EVC2: variants seen among roughly 807,000 people sequenced by gnomAD.
EVC2 encodes the protein limbin.
Under a neutral mutation model 149.3 loss-of-function variants are expected in EVC2, and 148 were observed. That is an observed-to-expected ratio of 0.99 (90% CI 0.87 to 1.14). The LOEUF is 1.14. EVC2 is among the 50% of genes most tolerant of loss of function. EVC2 has a pLI of 0.00. For missense variants in EVC2, 1,854 were observed against 1,627.3 expected, an observed-to-expected ratio of 1.14 and a Z score of -2.40; for synonymous variants, 776 against 649.9, an observed-to-expected ratio of 1.19 and a Z score of -2.95.
chr4:5,708,676 C>A, upstream of EVC2: 1 of 518,940 alleles, frequency 1.9e-6, no homozygotes, highest in Non-Finnish European at 3.2e-6. Context: ...CAGGAGGTGC[C>A]GGACGGGCGT....
intron 16 of EVC2, among the ~76,000 whole-genome samples, chr4:5,607,003 T>C (rs796218484): frequency 1.3e-5 from 2 of 152,198 alleles, no homozygotes; most frequent in Non-Finnish European, 2.9e-5. Flanking sequence ...GAAAGGCTTA[T>C]AAAAATTAGT....
intron 21 of EVC2, 139 bp from the exon 22 acceptor site, chr4:5,563,254 C>T (rs1457648557): frequency 1.2e-6 from 1 of 832,056 alleles, no homozygotes; most frequent in African/African-American, 1.7e-5. Context: ...TATTTTCCCC[C>T]TTGGTCACCA....
intron 17 of EVC2, among the ~76,000 whole-genome samples, chr4:5,581,669 A>T (rs1246382576): frequency 6.6e-6 from 1 of 152,236 alleles, no homozygotes; most frequent in Non-Finnish European, 1.5e-5. Flanking sequence ...TTTAAAAGGG[A>T]AGCTGAGTGT....
At chr4:5,708,732 G>A (rs1023317632), upstream of EVC2, 4 of 446,330 alleles carry the variant, frequency 9.0e-6, no homozygotes, top group Non-Finnish European at 1.6e-5. Context: ...CCGGCGGCCA[G>A]GCCTGGGTTT....
At chr4:5,682,093 T>A (rs1318786676) in intron 6 of EVC2, among the ~76,000 whole-genome samples, 2 of 152,222 alleles carry the variant, frequency 1.3e-5, no homozygotes, top group African/African-American at 2.4e-5. Flanking sequence ...ACTTAGGTAA[T>A]ATAGAACCCT....
At chr4:5,548,014 AGAG>A (rs771550539) in intron 21 of EVC2, among the ~76,000 whole-genome samples, 130 of 152,208 alleles carry the variant, frequency 8.5e-4, no homozygotes, top group Non-Finnish European at 1.6e-3. Context: ...AGCCTCGCAG[AGAG>A]TCGGTGCCCA....
At chr4:5,603,727 T>C (rs1577145557) in intron 16 of EVC2, among the ~76,000 whole-genome samples, 1 of 152,128 alleles carries the variant, frequency 6.6e-6, no homozygotes, top group African/African-American at 2.4e-5. Flanking sequence ...AGTGGATGGG[T>C]GAAGAGATAC....
At chr4:5,534,492 C>A in the EVC2 span, among the ~76,000 whole-genome samples, 89 of 152,344 alleles carry the variant, frequency 5.8e-4, no homozygotes, top group Non-Finnish European at 1.1e-3. Context: ...TTCCTCACAG[C>A]AGCGGGAACT....
intron 17 of EVC2, 100 bp downstream of exon 17, chr4:5,584,523 C>A: frequency 2.5e-6 from 3 of 1,220,374 alleles, no homozygotes; most frequent in Non-Finnish European, 3.5e-6. Flanking sequence ...ACAGCACAGA[C>A]AGGACGGGGG....
At chr4:5,529,802 T>G in the EVC2 span, among the ~76,000 whole-genome samples, 1 of 151,592 alleles carries the variant, frequency 6.6e-6, no homozygotes, top group Admixed American at 6.6e-5. This position sits in a 1 kb window ranked among gnomAD's most constrained non-coding sequence, Gnocchi z 4.5. Flanking sequence ...GAAGAACTGA[T>G]TAAGTTATTT....
chr4:5,595,796 C>A (rs1713348356), intron 16 of EVC2, among the ~76,000 whole-genome samples: 1 of 152,036 alleles, frequency 6.6e-6, no homozygotes, highest in African/African-American at 2.4e-5. Flanking sequence ...GAGTCAAGAC[C>A]CATCTGTGTG....
intron 7 of EVC2, among the ~76,000 whole-genome samples, chr4:5,674,942 G>A (rs1176683544): frequency 6.6e-6 from 1 of 152,144 alleles, no homozygotes; most frequent in African/African-American, 2.4e-5. Flanking sequence ...CCACGGAGAA[G>A]GCAAAAATGA....
chr4:5,559,545 G>A (rs558006218), downstream of EVC2, among the ~76,000 whole-genome samples: 31 of 152,256 alleles, frequency 2.0e-4, no homozygotes, highest in East Asian at 1.9e-3. This position sits in a 1 kb window ranked among gnomAD's most constrained non-coding sequence, Gnocchi z 5.0. Context: ...TAAACGATGC[G>A]AATCTTTTCT....
At chr4:5,605,202 C>A (rs1714288786) in intron 16 of EVC2, among the ~76,000 whole-genome samples, 1 of 152,174 alleles carries the variant, frequency 6.6e-6, no homozygotes, top group African/African-American at 2.4e-5. Flanking sequence ...TGGGGGGAGT[C>A]AGATGTTACA....
chr4:5,597,225 G>C lies in EVC2; in HGVS notation c.2830-12375C>G, dbSNP rs1713518044. Among the ~76,000 whole-genome samples, 5 of 152,136 alleles carry C rather than the reference G, an allele frequency of 3.3e-5. No homozygotes were observed. The South Asian group carries it at 8.3e-4, about 25-fold the overall frequency. On this transcript the variant is annotated intron_variant, in intron 16 of 21. Transcript: ENST00000344408. ...CTCCCTAACTCATTTTATGAGGCCAGCATCATCCTGATACCAAAGCCGGGC... is the reference window on the plus strand; with the variant it reads ...CTCCCTAACTCATTTTATGAGGCCACCATCATCCTGATACCAAAGCCGGGC...
rs188623267 is a variant in EVC2 at position 5,573,149 on chromosome 4, T to A, written c.3360+1536A>T. ...CCAGTGCTAACACTGGCACCTTGTT[T>A]GGCACAGTCAACAGAATAATGATCC... On this transcript the variant is annotated intron_variant, in intron 19 of 21. Coordinates refer to ENST00000344408, the MANE Select transcript of EVC2 (RefSeq NM_147127.5). Among the ~76,000 whole-genome samples the A allele has an allele frequency of 3.4e-3, 522 of 152,296 alleles. 1 individual carries two copies. The highest frequency in any genetic ancestry group is 0.012 in the African/African-American group (482 of 41,554).
chr4:5,624,705 C>A (rs1715973687), intron 13 of EVC2, among the ~76,000 whole-genome samples: 1 of 152,144 alleles, frequency 6.6e-6, no homozygotes, highest in South Asian at 2.1e-4. Flanking sequence ...GTTTCCATCC[C>A]TTAACCAGTG....
intron 11 of EVC2, among the ~76,000 whole-genome samples, chr4:5,629,460 C>G (rs929820011): frequency 7.2e-5 from 11 of 152,162 alleles, no homozygotes; most frequent in African/African-American, 2.7e-4. Context: ...TTCCAAAAAT[C>G]CCACTTTAAC....
At chr4:5,580,089 T>C (rs147369663) in intron 17 of EVC2, among the ~76,000 whole-genome samples, 1,947 of 152,322 alleles carry the variant, frequency 0.013, 36 homozygotes, top group African/African-American at 0.045. Context: ...GCACTTGATA[T>C]AGTTTTCTTA....
Sources: allele counts gnomAD v4.1 joint callset (sites outside exome capture counted in the v4.1 genomes callset), GRCh38; gene constraint gnomAD v4.1.1; non-coding constraint Gnocchi (gnomAD v3.1); transcripts MANE v1.5; gene names NCBI Gene and HGNC (gene_info 2026-07-23, HGNC 2026-07-21).